RGS6: variants seen among roughly 807,000 people sequenced by gnomAD.
The protein encoded by RGS6 is regulator of G protein signaling 6.
A neutral mutation model predicts 78.5 loss-of-function variants in RGS6; 30 were observed. The ratio of observed to expected loss-of-function variants is 0.38; its 90% CI spans 0.29 to 0.52. The LOEUF (loss-of-function observed/expected upper bound fraction) is 0.52, where lower values mean the gene tolerates loss of function less well. Ranked by LOEUF, RGS6 falls within the 20% of genes least tolerant of loss-of-function variation. RGS6 has a pLI of 0.85. For synonymous variants in RGS6, 206 were observed against 206.0 expected, an observed-to-expected ratio of 1.00 and a Z score of 0.00; for missense variants, 495 against 609.7, an observed-to-expected ratio of 0.81 and a Z score of 1.98.
At chr14:72,484,159 C>T (rs931402499) in intron 12 of RGS6, among the ~76,000 whole-genome samples, 1 of 152,150 alleles carries the variant, frequency 6.6e-6, no homozygotes, top group African/African-American at 2.4e-5. Context: ...CCTCTTCACC[C>T]CCTTTAATAT....
chr14:72,062,815 G>A lies in RGS6; in HGVS notation c.84+97940G>A, dbSNP rs189006801. ...AGGTGGATTTGAATCCATGAGATTG[G>A]ATGAGATTCTTTTTTGTTTGTTTGT... On this transcript the variant is annotated intron_variant, in intron 2 of 17. Coordinates refer to ENST00000553525, the MANE Select transcript of RGS6 (RefSeq NM_001204424.2). Among the ~76,000 whole-genome samples the A allele has an allele frequency of 3.8e-3, 571 of 152,250 alleles. 1 individual carries two copies. The highest frequency in any genetic ancestry group is 0.013 in the African/African-American group (558 of 41,564).
intron 2 of RGS6, among the ~76,000 whole-genome samples, chr14:72,206,569 A>G (rs987522035): frequency 6.6e-6 from 1 of 152,212 alleles, no homozygotes; most frequent in African/African-American, 2.4e-5. Context: ...TTACAGTTCC[A>G]CATCGCTGGG....
At chr14:72,025,434 T>C (rs1251941489) in intron 2 of RGS6, among the ~76,000 whole-genome samples, 1 of 151,998 alleles carries the variant, frequency 6.6e-6, no homozygotes, top group Admixed American at 6.6e-5. Flanking sequence ...ACCTAAAATA[T>C]CTCCAGGCAT....
chr14:72,437,845 C>A (rs1005395453), intron 3 of RGS6, among the ~76,000 whole-genome samples: 9 of 152,148 alleles, frequency 5.9e-5, no homozygotes, highest in African/African-American at 2.2e-4. Flanking sequence ...TTGGAAGCAG[C>A]GTCCCCTGCT....
At chr14:72,550,644 T>G in intron 17 of RGS6, 1 of 1,499,040 alleles carries the variant, frequency 6.7e-7, no homozygotes, top group Non-Finnish European at 8.9e-7. Flanking sequence ...GAGGCATCCA[T>G]AATTCTAAAT....
At chr14:72,596,991 C>A in the RGS6 span, among the ~76,000 whole-genome samples, 3 of 152,304 alleles carry the variant, frequency 2.0e-5, no homozygotes, top group Non-Finnish European at 4.4e-5. Flanking sequence ...GTAATCCCAA[C>A]ACTTTGGGAT....
chr14:72,178,896 A>G (rs1459876800), intron 2 of RGS6, among the ~76,000 whole-genome samples: 5 of 152,252 alleles, frequency 3.3e-5, no homozygotes, highest in Non-Finnish European at 7.3e-5. Context: ...TAGATCCAGA[A>G]AGAACTGATG....
intron 2 of RGS6, among the ~76,000 whole-genome samples, chr14:72,152,244 G>C (rs2096703528): frequency 1.1e-5 from 1 of 95,166 alleles, no homozygotes; most frequent in Admixed American, 1.2e-4. Flanking sequence ...GAGAGAGAGA[G>C]AGTGTGTGTG....
intron 15 of RGS6, among the ~76,000 whole-genome samples, chr14:72,520,585 G>T (rs185099243): frequency 7.3e-4 from 111 of 152,278 alleles, no homozygotes; most frequent in African/African-American, 2.6e-3. Flanking sequence ...CTTTCATAAA[G>T]AGAAACTTCC....
intron 14 of RGS6, chr14:72,515,608 G>A (rs533737578): frequency 6.6e-6 from 1 of 152,436 alleles, no homozygotes; most frequent in East Asian, 1.9e-4. Context: ...GGAGGTTGCA[G>A]TGAGCCGAGA....
chr14:72,217,736 C>T (rs1427795425), intron 2 of RGS6, among the ~76,000 whole-genome samples: 3 of 152,148 alleles, frequency 2.0e-5, no homozygotes, highest in South Asian at 2.1e-4. Flanking sequence ...TTCACACTTA[C>T]AAACATATAT....
At position 72,152,041 on chromosome 14, in the gene RGS6, G is replaced by A. The variant is rs529125590; in HGVS notation, c.84+187166G>A. Reference sequence around the variant, plus strand: ...TGCTTAGTTTCCTCCATCAAATGGGGATAATATGCTTATTTGATGGGGTTT... The same window carrying A: ...TGCTTAGTTTCCTCCATCAAATGGGAATAATATGCTTATTTGATGGGGTTT... On this transcript the variant is annotated intron_variant, in intron 2 of 17. Coordinates refer to ENST00000553525, the MANE Select transcript of RGS6 (RefSeq NM_001204424.2). 2.0e-5 allele frequency among the ~76,000 whole-genome samples: 3 copies of A among 152,272 alleles called. No homozygotes were observed. In the South Asian group the frequency reaches 6.2e-4, roughly 32 times the overall value.
intron 1 of RGS6, among the ~76,000 whole-genome samples, chr14:71,944,529 G>T (rs997910664): frequency 6.6e-6 from 1 of 152,170 alleles, no homozygotes; most frequent in African/African-American, 2.4e-5. Flanking sequence ...AGCAATAAAA[G>T]ATGTTAAATG....
At chr14:72,598,261 C>T in the RGS6 span, among the ~76,000 whole-genome samples, 1 of 152,328 alleles carries the variant, frequency 6.6e-6, no homozygotes, top group Admixed American at 6.5e-5. Context: ...TCTGATTCTT[C>T]AGCTCTATTT....
At chr14:72,246,721 C>A (rs963013039) in intron 2 of RGS6, among the ~76,000 whole-genome samples, 1 of 152,128 alleles carries the variant, frequency 6.6e-6, no homozygotes, top group Non-Finnish European at 1.5e-5. Context: ...GTCGGCCTGG[C>A]CAACCTGGCA....
intron 2 of RGS6, among the ~76,000 whole-genome samples, chr14:72,089,284 T>C (rs1369802432): frequency 6.6e-6 from 1 of 152,204 alleles, no homozygotes; most frequent in Non-Finnish European, 1.5e-5. Context: ...CCAATATGCA[T>C]GGGGAAAACC....
chr14:72,406,775 A>G (rs552936247), intron 3 of RGS6, among the ~76,000 whole-genome samples: 2 of 152,224 alleles, frequency 1.3e-5, no homozygotes, highest in Non-Finnish European at 2.9e-5. Context: ...CAGCCACCAC[A>G]CAAATGTATT....
chr14:72,602,006 C>T, the RGS6 span, among the ~76,000 whole-genome samples: 3 of 152,200 alleles, frequency 2.0e-5, no homozygotes, highest in East Asian at 5.8e-4. Flanking sequence ...CTTCATAATC[C>T]GAGATGATAC....
chr14:72,104,494 A>G (rs1012035552), intron 2 of RGS6, among the ~76,000 whole-genome samples: 4 of 152,222 alleles, frequency 2.6e-5, no homozygotes, highest in Non-Finnish European at 4.4e-5. Context: ...TGAACAGAAC[A>G]GATTTAAAAA....
Sources: allele counts gnomAD v4.1 joint callset (sites outside exome capture counted in the v4.1 genomes callset), GRCh38; gene constraint gnomAD v4.1.1; transcripts MANE v1.5; gene names NCBI Gene and HGNC (gene_info 2026-07-23, HGNC 2026-07-21).